LINC00237: variants seen among roughly 807,000 people sequenced by gnomAD.
LINC00237 encodes the protein long intergenic non-protein coding RNA 237.
intron 3 of LINC00237, among the ~76,000 whole-genome samples, chr20:21,086,980 T>C (rs536878034): frequency 7.0e-6 from 1 of 142,834 alleles, no homozygotes; most frequent in African/African-American, 2.6e-5. Flanking sequence ...ACACTCTATA[T>C]GTACTATAGT....
At chr20:21,090,290 C>T (rs553813869) in intron 2 of LINC00237, 1 of 152,320 alleles carries the variant, frequency 6.6e-6, no homozygotes, top group African/African-American at 2.4e-5. Context: ...ACATTTAAAT[C>T]TTAATGACTG....
At chr20:21,097,923 C>A (rs1192019534) in intron 1 of LINC00237, among the ~76,000 whole-genome samples, 2 of 152,176 alleles carry the variant, frequency 1.3e-5, no homozygotes, top group Non-Finnish European at 2.9e-5. Flanking sequence ...AAAAAAAATT[C>A]TCAACATTTC....
intron 1 of LINC00237, among the ~76,000 whole-genome samples, chr20:21,105,286 C>T (rs2030984620): frequency 1.3e-5 from 2 of 151,372 alleles, no homozygotes; most frequent in African/African-American, 4.9e-5. Flanking sequence ...CCCCGTCCCC[C>T]GCCCCCCACC....
At chr20:21,086,685 A>ATATGTATAT (rs374333750) in intron 3 of LINC00237, among the ~76,000 whole-genome samples, 1 of 94,980 alleles carries the variant, frequency 1.1e-5, no homozygotes, top group South Asian at 2.9e-4. Context: ...AGTATACTAC[A>ATATGTATAT]TATACATATG....
At chr20:21,106,203 T>G (rs956617647) in intron 1 of LINC00237, 2 of 152,518 alleles carry the variant, frequency 1.3e-5, no homozygotes, top group East Asian at 1.9e-4. Context: ...ACACCTCTCC[T>G]CCTCTCTGCA....
chr20:21,099,581 C>T (rs1366859504), intron 1 of LINC00237, among the ~76,000 whole-genome samples: 2 of 152,166 alleles, frequency 1.3e-5, no homozygotes, highest in East Asian at 3.8e-4. Flanking sequence ...TTCACCCAGC[C>T]CCACTCCCCA....
At chr20:21,095,934 A>G (rs552403423) in intron 1 of LINC00237, among the ~76,000 whole-genome samples, 1 of 152,348 alleles carries the variant, frequency 6.6e-6, no homozygotes, top group African/African-American at 2.4e-5. Context: ...ATTCCAGCTC[A>G]AGTATGTGCT....
intron 1 of LINC00237, among the ~76,000 whole-genome samples, chr20:21,102,259 C>A (rs1031431793): frequency 6.6e-6 from 1 of 152,240 alleles, no homozygotes; most frequent in Non-Finnish European, 1.5e-5. Context: ...CTTAAGCGGG[C>A]ACCGACTCCT....
intron 1 of LINC00237, among the ~76,000 whole-genome samples, chr20:21,105,274 C>A (rs558699588): frequency 2.4e-4 from 37 of 151,980 alleles, no homozygotes; most frequent in Admixed American, 5.2e-4. Context: ...TCTGAACAAC[C>A]CCCCCGTCCC....
At chr20:21,097,394 A>T (rs1440910520) in intron 1 of LINC00237, among the ~76,000 whole-genome samples, 1 of 152,170 alleles carries the variant, frequency 6.6e-6, no homozygotes, top group Non-Finnish European at 1.5e-5. Flanking sequence ...AAAAGGGGGC[A>T]ATGAAAGCAA....
intron 1 of LINC00237, among the ~76,000 whole-genome samples, chr20:21,100,931 G>A (rs901812224): frequency 1.3e-5 from 2 of 152,170 alleles, no homozygotes; most frequent in Admixed American, 6.5e-5. Flanking sequence ...TGTCGCTAGC[G>A]GCCCCGGCGC....
intron 1 of LINC00237, among the ~76,000 whole-genome samples, chr20:21,097,435 T>C (rs1193070538): frequency 6.6e-6 from 1 of 152,172 alleles, no homozygotes; most frequent in African/African-American, 2.4e-5. Flanking sequence ...ATTTGTTAAA[T>C]GGCTCTGCAC....
intron 1 of LINC00237, among the ~76,000 whole-genome samples, chr20:21,106,013 C>T (rs1248564868): frequency 6.6e-6 from 1 of 152,168 alleles, no homozygotes; most frequent in Non-Finnish European, 1.5e-5. Context: ...GCGCCCCTTC[C>T]CCCCAGGGGT....
At chr20:21,089,177 A>T (rs558722700) in intron 2 of LINC00237, among the ~76,000 whole-genome samples, 2 of 150,946 alleles carry the variant, frequency 1.3e-5, no homozygotes, top group Admixed American at 6.7e-5. Context: ...ATATTCATTG[A>T]TGTATCTAGT....
intron 1 of LINC00237, among the ~76,000 whole-genome samples, chr20:21,102,500 G>A (rs2030945216): frequency 6.6e-6 from 1 of 152,168 alleles, no homozygotes; most frequent in African/African-American, 2.4e-5. Context: ...TCCAGCTCAT[G>A]CCCGGAACAG....
intron 1 of LINC00237, chr20:21,093,977 G>A (rs1027650934): frequency 6.6e-6 from 1 of 152,224 alleles, no homozygotes; most frequent in African/African-American, 2.4e-5. Context: ...ATAAAAGAGG[G>A]CAATGCTTGA....
chr20:21,090,861 C>A (rs1268825988), intron 2 of LINC00237, among the ~76,000 whole-genome samples: 2 of 152,186 alleles, frequency 1.3e-5, no homozygotes, highest in African/African-American at 2.4e-5. Context: ...CCAGCAAAGG[C>A]CTGCCCGGAG....
At chr20:21,103,738 C>T (rs1396907220) in intron 1 of LINC00237, among the ~76,000 whole-genome samples, 2 of 152,178 alleles carry the variant, frequency 1.3e-5, no homozygotes, top group Admixed American at 6.5e-5. Flanking sequence ...CCAACTCGCG[C>T]TCTGGAGACA....
chr20:21,086,689 ACATATG>A (rs2030708317), intron 3 of LINC00237, among the ~76,000 whole-genome samples: 1 of 3,992 alleles, frequency 2.5e-4, no homozygotes, highest in African/African-American at 8.7e-4. Flanking sequence ...TACTACATAT[ACATATG>A]TAGTATACTA....
Sources: gnomAD v4.1 joint callset for allele counts (sites outside exome capture counted in the v4.1 genomes callset) on GRCh38, gnomAD v4.1.1 for gene constraint, MANE v1.5 for transcripts, NCBI Gene and HGNC (gene_info 2026-07-23, HGNC 2026-07-21) for gene names.